The following RNLS variants were observed in gnomAD, a reference collection of about 807,000 sequenced individuals.
The protein encoded by RNLS is renalase, FAD dependent amine oxidase, also known as renalase.
RNLS carries 39 observed loss-of-function variants against 39.8 expected under a neutral mutation model. The observed-to-expected ratio is 0.98, with a 90% CI of 0.76 to 1.28. RNLS has a LOEUF of 1.28. Among genes scored for constraint, RNLS ranks in the 50% most tolerant of loss-of-function variants. The pLI, the probability that RNLS is intolerant of heterozygous loss-of-function variation, is 0.00. For missense variants in RNLS, 410 were observed against 413.3 expected (o/e 0.99, Z 0.07); for synonymous variants, 147 against 150.7 (o/e 0.98, Z 0.18).
chr10:88,430,303 C>T (rs1855056979), intron 4 of RNLS, among the ~76,000 whole-genome samples: 1 of 151,764 alleles, frequency 6.6e-6, no homozygotes, highest in African/African-American at 2.4e-5. Flanking sequence ...ATTGTCATTA[C>T]TAATATAAAC....
chr10:88,472,658 A>G (rs1258468326), intron 4 of RNLS, among the ~76,000 whole-genome samples: 2 of 152,218 alleles, frequency 1.3e-5, no homozygotes, highest in Non-Finnish European at 2.9e-5. Flanking sequence ...ACATTCATAT[A>G]TTCAACAACT....
chr10:88,365,789 G>A (rs1490911333), intron 4 of RNLS, among the ~76,000 whole-genome samples: 1 of 151,910 alleles, frequency 6.6e-6, no homozygotes, highest in Non-Finnish European at 1.5e-5. Flanking sequence ...GAGAAAAAGA[G>A]AGAGAAGAGG....
intron 4 of RNLS, among the ~76,000 whole-genome samples, chr10:88,415,970 C>T (rs561361162): frequency 5.1e-4 from 78 of 152,268 alleles, no homozygotes; most frequent in Non-Finnish European, 1.0e-3. Flanking sequence ...TCCTTCCTTG[C>T]CCTCCTTCCA....
At chr10:88,353,373 C>T (rs999923794) in intron 5 of RNLS, among the ~76,000 whole-genome samples, 1 of 152,160 alleles carries the variant, frequency 6.6e-6, no homozygotes, top group Non-Finnish European at 1.5e-5. Context: ...CCTCTACACA[C>T]TGCTGTAAAT....
the RNLS span, among the ~76,000 whole-genome samples, chr10:88,223,241 T>C: frequency 6.6e-6 from 1 of 152,268 alleles, no homozygotes; most frequent in Non-Finnish European, 1.5e-5. Context: ...CACTATCAAG[T>C]AAAAGCAATT....
intron 4 of RNLS, among the ~76,000 whole-genome samples, chr10:88,551,699 A>G: frequency 6.6e-6 from 1 of 151,598 alleles, no homozygotes; most frequent in Admixed American, 6.6e-5. Flanking sequence ...AAAAAAGAAG[A>G]AGAACACAAG....
At chr10:88,540,387 A>G (rs755753566) in intron 4 of RNLS, among the ~76,000 whole-genome samples, 4 of 152,208 alleles carry the variant, frequency 2.6e-5, no homozygotes, top group African/African-American at 4.8e-5. Flanking sequence ...TGCTATTTCA[A>G]AAGTGTTACT....
At chr10:88,478,382 C>T (rs1169800277) in intron 4 of RNLS, among the ~76,000 whole-genome samples, 1 of 152,156 alleles carries the variant, frequency 6.6e-6, no homozygotes, top group Non-Finnish European at 1.5e-5. Context: ...CCACTCCTAG[C>T]TTGCCAGTAT....
chr10:88,484,816 G>A (rs964220914), intron 4 of RNLS, among the ~76,000 whole-genome samples: 32 of 151,696 alleles, frequency 2.1e-4, no homozygotes, highest in African/African-American at 6.8e-4. Flanking sequence ...CTGCCAGACA[G>A]AGAAAAAAAA....
At chr10:88,532,568 G>A (rs1847492501) in intron 4 of RNLS, among the ~76,000 whole-genome samples, 1 of 151,978 alleles carries the variant, frequency 6.6e-6, no homozygotes, top group Non-Finnish European at 1.5e-5. Flanking sequence ...TAAATTCTGT[G>A]GAGGGTACAA....
chr10:88,197,355 T>C, the RNLS span, among the ~76,000 whole-genome samples: 1 of 152,212 alleles, frequency 6.6e-6, no homozygotes, highest in Non-Finnish European at 1.5e-5. Flanking sequence ...TACCTCTTCT[T>C]TCCTGCCCAA....
chr10:88,192,178 G>A, the RNLS span, among the ~76,000 whole-genome samples: 2 of 152,018 alleles, frequency 1.3e-5, no homozygotes, highest in African/African-American at 4.8e-5. Context: ...ATTGTTTAAA[G>A]AAACATGCAC....
intron 4 of RNLS, among the ~76,000 whole-genome samples, chr10:88,410,415 A>T (rs1238612846): frequency 2.6e-5 from 4 of 152,110 alleles, no homozygotes; most frequent in Admixed American, 6.6e-5. Context: ...AGCCCCAAAG[A>T]GTTAAATTTA....
intron 4 of RNLS, among the ~76,000 whole-genome samples, chr10:88,382,494 T>G (rs183871742): frequency 6.6e-6 from 1 of 152,216 alleles, no homozygotes; most frequent in African/African-American, 2.4e-5. Context: ...TCAAAAATAA[T>G]TTTCTGAGTA....
chr10:88,436,178 G>T (rs1841398033), intron 4 of RNLS, among the ~76,000 whole-genome samples: 2 of 152,250 alleles, frequency 1.3e-5, no homozygotes, highest in South Asian at 2.1e-4. Context: ...TTCAGAGAGG[G>T]TCAGCCACTG....
intron 4 of RNLS, among the ~76,000 whole-genome samples, chr10:88,390,620 C>T (rs1050738264): frequency 2.6e-5 from 4 of 152,012 alleles, no homozygotes; most frequent in Admixed American, 2.0e-4. Context: ...TTTTAAAAAA[C>T]CCAAAGCCAA....
intron 5 of RNLS, among the ~76,000 whole-genome samples, chr10:88,354,119 G>A (rs1016830447): frequency 3.3e-5 from 5 of 152,286 alleles, no homozygotes; most frequent in Middle Eastern, 3.4e-3. Context: ...CTCTGCAAGT[G>A]AGATGGGTTT....
chr10:88,388,649 G>A (rs1423605707), intron 4 of RNLS, among the ~76,000 whole-genome samples: 2 of 152,108 alleles, frequency 1.3e-5, no homozygotes, highest in Non-Finnish European at 2.9e-5. Context: ...ACTCTCACAA[G>A]CTGTGTGAGA....
chr10:88,479,667 T>C (rs1369606907), intron 4 of RNLS, among the ~76,000 whole-genome samples: 3 of 152,164 alleles, frequency 2.0e-5, no homozygotes, highest in Admixed American at 6.6e-5. Flanking sequence ...TGCTGCCATC[T>C]CTTAGCCTTT....
Sources: allele counts gnomAD v4.1 joint callset (sites outside exome capture counted in the v4.1 genomes callset), GRCh38; gene constraint gnomAD v4.1.1; transcripts MANE v1.5; gene names NCBI Gene and HGNC (gene_info 2026-07-23, HGNC 2026-07-21).